Variants in DLG2 observed in about 807,000 individuals in gnomAD.
DLG2 encodes the protein discs large MAGUK scaffold protein 2.
Under a neutral mutation model 132.5 loss-of-function variants are expected in DLG2, and 45 were observed. That is an observed-to-expected ratio of 0.34 (90% CI 0.27 to 0.44). DLG2 has a LOEUF of 0.44. Ranked by LOEUF, DLG2 falls within the 20% of genes least tolerant of loss-of-function variation. DLG2 has a pLI of 1.00. For missense variants in DLG2, 1,045 were observed against 1,196.9 expected, an observed-to-expected ratio of 0.87 and a Z score of 1.87; for synonymous variants, 424 against 419.6, an observed-to-expected ratio of 1.01 and a Z score of -0.13.
At chr11:85,484,588 A>G (rs1222065148) in intron 3 of DLG2, among the ~76,000 whole-genome samples, 237 of 152,130 alleles carry the variant, frequency 1.6e-3, no homozygotes, top group African/African-American at 3.3e-3. Context: ...GCAGCCAAAA[A>G]ACACATGAAA....
At chr11:83,689,602 T>A (rs1277441639) in intron 18 of DLG2, among the ~76,000 whole-genome samples, 5 of 152,058 alleles carry the variant, frequency 3.3e-5, no homozygotes, top group Non-Finnish European at 7.4e-5. Flanking sequence ...ATATAGCTGT[T>A]GTGTTCTTAT....
chr11:85,077,772 T>A (rs2066739379), intron 6 of DLG2, among the ~76,000 whole-genome samples: 2 of 152,072 alleles, frequency 1.3e-5, no homozygotes, highest in African/African-American at 4.8e-5. Flanking sequence ...CAAGTTCTTT[T>A]TTCCTGCGTT....
intron 6 of DLG2, among the ~76,000 whole-genome samples, chr11:84,758,915 T>C (rs138124043): frequency 1.2e-3 from 188 of 152,306 alleles, no homozygotes; most frequent in African/African-American, 4.5e-3. Context: ...TTTCACTCTG[T>C]CACCCAGGCT....
chr11:85,101,346 T>G (rs1013348536), intron 6 of DLG2, among the ~76,000 whole-genome samples: 4 of 152,140 alleles, frequency 2.6e-5, no homozygotes, highest in African/African-American at 9.6e-5. Flanking sequence ...CATGTATGCC[T>G]AAGAAATATT....
intron 6 of DLG2, among the ~76,000 whole-genome samples, chr11:84,894,345 T>C (rs1432105022): frequency 6.6e-6 from 1 of 152,204 alleles, no homozygotes; most frequent in Non-Finnish European, 1.5e-5. Context: ...TTCCAACTTC[T>C]CCCACTTCCT....
At chr11:83,974,893 C>A (rs951983694) in intron 12 of DLG2, among the ~76,000 whole-genome samples, 4 of 152,008 alleles carry the variant, frequency 2.6e-5, no homozygotes, top group Admixed American at 6.6e-5. Context: ...TACTACTTCC[C>A]TTTAAGGAAA....
intron 6 of DLG2, among the ~76,000 whole-genome samples, chr11:84,623,477 T>G (rs2099617295): frequency 6.6e-6 from 1 of 152,190 alleles, no homozygotes; most frequent in South Asian, 2.1e-4. Flanking sequence ...ATCACTTATA[T>G]CATTGAAAGT....
intron 3 of DLG2, among the ~76,000 whole-genome samples, chr11:85,380,942 AATG>A (rs1185904146): frequency 2.6e-5 from 4 of 152,222 alleles, no homozygotes. Context: ...GAAAAATGTA[AATG>A]AGTAGCATCG....
At chr11:83,864,169 G>C (rs1443907542) in intron 16 of DLG2, among the ~76,000 whole-genome samples, 1 of 152,176 alleles carries the variant, frequency 6.6e-6, no homozygotes, top group African/African-American at 2.4e-5. Flanking sequence ...CTTCAGGTTT[G>C]GTAATCACCT....
intron 12 of DLG2, among the ~76,000 whole-genome samples, chr11:83,966,611 A>C (rs1159988356): frequency 1.3e-5 from 2 of 152,032 alleles, no homozygotes; most frequent in Non-Finnish European, 2.9e-5. Flanking sequence ...GTATCTGGCT[A>C]CTATATAAAA....
At chr11:84,604,826 T>G (rs538998190) in intron 6 of DLG2, among the ~76,000 whole-genome samples, 82 of 152,040 alleles carry the variant, frequency 5.4e-4, no homozygotes, top group African/African-American at 2.0e-3. Flanking sequence ...TTCTAAATAG[T>G]TTTTCAAAAT....
intron 3 of DLG2, among the ~76,000 whole-genome samples, chr11:85,294,822 A>C (rs1182440047): frequency 3.3e-5 from 5 of 152,158 alleles, no homozygotes; most frequent in Admixed American, 1.3e-4. Flanking sequence ...AGGAGGCAGA[A>C]ATTGTTATTT....
rs2099409673 is a variant in DLG2 at position 84,555,261 on chromosome 11, A to T, written c.358-20530T>A. On this transcript the variant is annotated intron_variant, in intron 6 of 27. Coordinates refer to ENST00000376104, the MANE Select transcript of DLG2 (RefSeq NM_001142699.3). ...GGTTCTTCAAAAATATGAAAATAGA[A>T]CTACAATATTATCTAGCAAACCCAC... 2.0e-5 allele frequency among the ~76,000 whole-genome samples: 3 copies of T among 152,286 alleles called. No individual in the cohort carries two copies. In the South Asian group the frequency reaches 6.2e-4, roughly 32 times the overall value.
intron 18 of DLG2, among the ~76,000 whole-genome samples, chr11:83,761,611 C>A (rs539343543): frequency 4.6e-5 from 7 of 152,092 alleles, no homozygotes; most frequent in Admixed American, 3.3e-4. Flanking sequence ...CCCATTACCC[C>A]CAACATCATA....
intron 6 of DLG2, among the ~76,000 whole-genome samples, chr11:85,069,794 C>T (rs1375235921): frequency 6.6e-6 from 1 of 152,130 alleles, no homozygotes; most frequent in Non-Finnish European, 1.5e-5. Flanking sequence ...CCAGCCATCC[C>T]ATTACTGGGT....
At chr11:84,642,670 T>C (rs1017319231) in intron 6 of DLG2, among the ~76,000 whole-genome samples, 3 of 152,284 alleles carry the variant, frequency 2.0e-5, no homozygotes, top group East Asian at 1.9e-4. Flanking sequence ...CCTGCTGTGC[T>C]ACCTGTAAAC....
intron 4 of DLG2, among the ~76,000 whole-genome samples, chr11:85,165,387 A>G (rs1312522571): frequency 6.6e-6 from 1 of 152,240 alleles, no homozygotes; most frequent in Non-Finnish European, 1.5e-5. Flanking sequence ...CATGCTAGGT[A>G]TCACATAATC....
intron 15 of DLG2, among the ~76,000 whole-genome samples, chr11:83,892,155 C>T (rs1015705988): frequency 1.3e-5 from 2 of 152,118 alleles, no homozygotes; most frequent in Non-Finnish European, 2.9e-5. Context: ...ATTTGTTCAC[C>T]TAATCTTCTA....
At chr11:83,557,397 A>T (rs2096539034) in intron 19 of DLG2, among the ~76,000 whole-genome samples, 1 of 152,228 alleles carries the variant, frequency 6.6e-6, no homozygotes, top group Admixed American at 6.5e-5. Context: ...CACAGAGCGA[A>T]GGGAAAATGT....
Sources: gnomAD v4.1 joint callset for allele counts (sites outside exome capture counted in the v4.1 genomes callset) on GRCh38, gnomAD v4.1.1 for gene constraint, MANE v1.5 for transcripts, NCBI Gene and HGNC (gene_info 2026-07-23, HGNC 2026-07-21) for gene names.